The following DAAM1 variants were observed in gnomAD, a reference collection of about 807,000 sequenced individuals.
DAAM1 encodes the protein disheveled-associated activator of morphogenesis 1.
Under a neutral mutation model 130.0 loss-of-function variants are expected in DAAM1, and 52 were observed. The ratio of observed to expected loss-of-function variants is 0.40; its 90% confidence interval spans 0.32 to 0.50. The LOEUF (loss-of-function observed/expected upper bound fraction) is 0.50. Among genes scored for constraint, DAAM1 ranks in the 20% least tolerant of loss-of-function variants. DAAM1 has a pLI of 0.61. For missense variants in DAAM1, 1,134 were observed against 1,303.8 expected, an observed-to-expected ratio of 0.87 and a Z score of 2.01; for synonymous variants, 452 against 444.5, an observed-to-expected ratio of 1.02 and a Z score of -0.21.
intron 2 of DAAM1, among the ~76,000 whole-genome samples, chr14:59,273,782 A>T (rs1216381861): frequency 1.3e-5 from 2 of 152,244 alleles, no homozygotes; most frequent in African/African-American, 4.8e-5. Context: ...AATGTGTTTC[A>T]GTAATGGCTA....
chr14:59,324,809 T>C (rs1885146259), intron 8 of DAAM1, among the ~76,000 whole-genome samples: 1 of 152,210 alleles, frequency 6.6e-6, no homozygotes, highest in Admixed American at 6.5e-5. Context: ...ATGACAGTGA[T>C]TTTCCAGGAA....
intron 1 of DAAM1, among the ~76,000 whole-genome samples, chr14:59,262,476 A>G (rs939983989): frequency 3.9e-5 from 6 of 152,214 alleles, no homozygotes; most frequent in African/African-American, 1.4e-4. Flanking sequence ...ATGAAAATGA[A>G]TAGTTCTCCA....
chr14:59,352,996 A>C (rs1886345588), intron 18 of DAAM1, among the ~76,000 whole-genome samples: 1 of 151,922 alleles, frequency 6.6e-6, no homozygotes, highest in Admixed American at 6.6e-5. Context: ...TAAAACAAAA[A>C]AAAAAAAAAG....
chr14:59,258,018 C>T (rs1268021364), intron 1 of DAAM1, among the ~76,000 whole-genome samples: 1 of 152,196 alleles, frequency 6.6e-6, no homozygotes, highest in East Asian at 1.9e-4. Context: ...GTTCTTCCTT[C>T]CATCCCCTAT....
chr14:59,333,665 A>C (rs559566575), intron 15 of DAAM1, among the ~76,000 whole-genome samples: 6 of 152,326 alleles, frequency 3.9e-5, no homozygotes, highest in African/African-American at 9.6e-5. Flanking sequence ...GCCTAATATG[A>C]AGATTTGAGA....
rs554111201 is a variant in DAAM1, at chr14:59,225,315, C to T, written c.-38+36547C>T. Reference sequence around the variant, plus strand: ...TGCTGGGATTACAGGCATAAGCCACCGTGCCCAACCATAAATTTGTGTTTT... The same window carrying T: ...TGCTGGGATTACAGGCATAAGCCACTGTGCCCAACCATAAATTTGTGTTTT... On this transcript the variant is annotated intron_variant, in intron 1 of 24. Coordinates refer to ENST00000360909, the MANE Select transcript of DAAM1 (RefSeq NM_001270520.2). 1.3e-3 allele frequency among the ~76,000 whole-genome samples: 199 copies of T among 152,206 alleles called. 1 individual carries two copies. Among genetic ancestry groups the T allele is most frequent in the African/African-American group, 4.6e-3 (192 of 41,528 alleles).
intron 1 of DAAM1, 126 bp downstream of exon 1, chr14:59,188,894 C>T (rs1887636323): frequency 6.5e-6 from 1 of 153,190 alleles, no homozygotes; most frequent in African/African-American, 2.4e-5. Flanking sequence ...TGCTGCCTCC[C>T]CGGAGCTCCC....
chr14:59,311,780 C>G (rs1174173944), intron 3 of DAAM1, among the ~76,000 whole-genome samples: 4 of 152,166 alleles, frequency 2.6e-5, no homozygotes, highest in Admixed American at 6.5e-5. Flanking sequence ...TGGTGAACTC[C>G]TAGGCTCAAG....
chr14:59,361,705 C>T (rs934933669), intron 22 of DAAM1, among the ~76,000 whole-genome samples: 1 of 152,080 alleles, frequency 6.6e-6, no homozygotes, highest in South Asian at 2.1e-4. Context: ...CAGCTGCCAG[C>T]GAGAGAGGGG....
At chr14:59,348,842 C>T (rs1886179177) in intron 17 of DAAM1, among the ~76,000 whole-genome samples, 1 of 152,140 alleles carries the variant, frequency 6.6e-6, no homozygotes. Flanking sequence ...CCTAATGGAC[C>T]AGCCCCGCCC....
chr14:59,244,109 C>G (rs532958811), intron 1 of DAAM1, among the ~76,000 whole-genome samples: 1 of 152,136 alleles, frequency 6.6e-6, no homozygotes, highest in Non-Finnish European at 1.5e-5. Flanking sequence ...ATAATTGAAT[C>G]ATGGGGGTGA....
intron 15 of DAAM1, among the ~76,000 whole-genome samples, chr14:59,332,912 C>G (rs1885497250): frequency 6.6e-6 from 1 of 152,008 alleles, no homozygotes; most frequent in Non-Finnish European, 1.5e-5. Flanking sequence ...TACTGAGAGG[C>G]CCTTAACTCC....
In DAAM1 at chr14:59,326,888, C is replaced by T. The variant is rs186683539; in HGVS notation, c.1314-45C>T. 969 of 1,609,366 alleles carry T rather than the reference C, an allele frequency of 6.0e-4. 2 individuals carry two copies. The highest frequency in any genetic ancestry group is 1.2e-3 in the Admixed American group (72 of 59,670). On this transcript the variant is annotated intron_variant, in intron 11 of 24. Transcript: ENST00000360909. ...TGGGGAGAATGCAGTTAGCAGTGGA[C>T]CTTTTATATTTTTTGTAATAAATGC...
chr14:59,367,326 C>CTT (rs1886957962), intron 23 of DAAM1, 103 bp from the exon 24 acceptor site: 1 of 1,473,070 alleles, frequency 6.8e-7, no homozygotes, highest in African/African-American at 1.4e-5. Context: ...GCAAACAAAA[C>CTT]TTACGTTTGA....
chr14:59,219,612 C>G (rs767619342), intron 1 of DAAM1, among the ~76,000 whole-genome samples: 2 of 152,092 alleles, frequency 1.3e-5, no homozygotes, highest in African/African-American at 2.4e-5. Flanking sequence ...CTCTTTCCTC[C>G]AAGAGTAAAG....
At chr14:59,269,943 T>C (rs574966757) in intron 2 of DAAM1, among the ~76,000 whole-genome samples, 3 of 152,248 alleles carry the variant, frequency 2.0e-5, no homozygotes, top group East Asian at 1.9e-4. Flanking sequence ...AAAGGTATGT[T>C]TGGGATGGTT....
chr14:59,200,887 T>C (rs1888076284), intron 1 of DAAM1, among the ~76,000 whole-genome samples: 3 of 151,912 alleles, frequency 2.0e-5, no homozygotes, highest in Admixed American at 1.3e-4. Flanking sequence ...GTAGGCGGGG[T>C]GCGGTGGCTC....
intron 1 of DAAM1, among the ~76,000 whole-genome samples, chr14:59,225,293 T>C (rs1179484648): frequency 6.6e-6 from 1 of 152,192 alleles, no homozygotes; most frequent in Non-Finnish European, 1.5e-5. Context: ...CCCAAAGTGC[T>C]GGGATTACAG....
At chr14:59,345,110 C>A (rs542846965) in intron 16 of DAAM1, among the ~76,000 whole-genome samples, 2 of 152,306 alleles carry the variant, frequency 1.3e-5, no homozygotes, top group South Asian at 2.1e-4. Flanking sequence ...GACTCAAGGG[C>A]CTCTAGTGTC....
Sources: allele counts gnomAD v4.1 joint callset (sites outside exome capture counted in the v4.1 genomes callset), GRCh38; gene constraint gnomAD v4.1.1; transcripts MANE v1.5; gene names NCBI Gene and HGNC (gene_info 2026-07-23, HGNC 2026-07-21).